PACRGL: variants seen among roughly 807,000 people sequenced by gnomAD.
PACRGL encodes the protein PACRG-like protein.
A neutral mutation model predicts 34.5 loss-of-function variants in PACRGL; 38 were observed. The ratio of observed to expected loss-of-function variants is 1.10; its 90% CI spans 0.85 to 1.44. The LOEUF (loss-of-function observed/expected upper bound fraction) is 1.44, where lower values mean the gene tolerates loss of function less well. Ranked by LOEUF, PACRGL falls within the 40% of genes most tolerant of loss-of-function variation. The pLI is 0.00. For missense variants in PACRGL, 305 were observed against 281.4 expected (o/e 1.08, Z -0.60); for synonymous variants, 128 against 100.1 (o/e 1.28, Z -1.66).
At chr4:20,716,802 A>G (rs4434247) in intron 7 of PACRGL, among the ~76,000 whole-genome samples, 25,249 of 152,168 alleles carry the variant, frequency 0.17, 2,133 homozygotes, top group East Asian at 0.29. Flanking sequence ...ATACATGTGC[A>G]TGTGTCTTTA....
chr4:20,717,417 G>A (rs1263223122), intron 7 of PACRGL, among the ~76,000 whole-genome samples: 3 of 152,186 alleles, frequency 2.0e-5, no homozygotes, highest in East Asian at 1.9e-4. Context: ...CCATGCCTAT[G>A]TCCTGAATGG....
the PACRGL span, among the ~76,000 whole-genome samples, chr4:20,758,043 T>C: frequency 6.6e-6 from 1 of 152,214 alleles, no homozygotes; most frequent in Non-Finnish European, 1.5e-5. Flanking sequence ...GGGCAGAGAT[T>C]ACATCCTATT....
At chr4:20,714,968 T>C (rs1739132180) in intron 7 of PACRGL, among the ~76,000 whole-genome samples, 1 of 152,170 alleles carries the variant, frequency 6.6e-6, no homozygotes, top group Non-Finnish European at 1.5e-5. Context: ...TAAAGACACA[T>C]GCACACGTAT....
chr4:20,733,395 A>G (rs1288048902), downstream of PACRGL, among the ~76,000 whole-genome samples: 2 of 152,194 alleles, frequency 1.3e-5, no homozygotes, highest in Non-Finnish European at 2.9e-5. Flanking sequence ...TTTCATTCTT[A>G]TGAGAGTAAA....
chr4:20,706,031 C>T (rs751587663), intron 3 of PACRGL, among the ~76,000 whole-genome samples: 15 of 151,030 alleles, frequency 9.9e-5, no homozygotes, highest in African/African-American at 1.2e-4. Flanking sequence ...TTTTTTGAAA[C>T]GCTAATTCAG....
intron 7 of PACRGL, among the ~76,000 whole-genome samples, chr4:20,716,865 G>T (rs1440523107): frequency 6.6e-6 from 1 of 152,118 alleles, no homozygotes; most frequent in Admixed American, 6.5e-5. Flanking sequence ...GGGATGGCTG[G>T]GTCAAATGGT....
At chr4:20,739,796 G>A (rs182100811) in intron 8 of PACRGL, among the ~76,000 whole-genome samples, 61 of 152,254 alleles carry the variant, frequency 4.0e-4, no homozygotes, top group East Asian at 3.9e-4. Flanking sequence ...AAACTTCTCC[G>A]AACTAAAGGA....
chr4:20,726,480 CA>C (rs1482108477), intron 8 of PACRGL, among the ~76,000 whole-genome samples: 1 of 151,934 alleles, frequency 6.6e-6, no homozygotes, highest in African/African-American at 2.4e-5. Context: ...AATTACATAC[CA>C]AAGACTTTCT....
upstream of PACRGL, among the ~76,000 whole-genome samples, chr4:20,697,911 C>T (rs1329156974): frequency 1.3e-5 from 2 of 152,154 alleles, no homozygotes; most frequent in Admixed American, 6.5e-5. Flanking sequence ...CCAAAAGCCC[C>T]ACCTCCAAAT....
chr4:20,751,656 T>C (rs575648133), intron 8 of PACRGL, among the ~76,000 whole-genome samples: 2 of 152,316 alleles, frequency 1.3e-5, no homozygotes, highest in African/African-American at 4.8e-5. Context: ...TCACCATAAA[T>C]AATGGCTCAA....
intron 8 of PACRGL, among the ~76,000 whole-genome samples, chr4:20,739,330 T>TA (rs1041284083): frequency 6.6e-6 from 1 of 152,162 alleles, no homozygotes; most frequent in African/African-American, 2.4e-5. Context: ...AAACACCTCC[T>TA]AGTAGGGGCA....
chr4:20,766,564 T>TCAAACAAA, the PACRGL span, among the ~76,000 whole-genome samples: 3 of 152,112 alleles, frequency 2.0e-5, no homozygotes, highest in Middle Eastern at 3.4e-3. Flanking sequence ...AAACTCCATC[T>TCAAACAAA]CAAACAAACA....
At chr4:20,713,347 T>G in intron 6 of PACRGL, 85 bp from the exon 7 acceptor site, 1 of 962,518 alleles carries the variant, frequency 1.0e-6, no homozygotes, top group South Asian at 1.5e-5. Context: ...TCTACTTGCT[T>G]GCCCTTTTTT....
chr4:20,716,764 T>C (rs974850366), intron 7 of PACRGL, among the ~76,000 whole-genome samples: 8 of 152,222 alleles, frequency 5.3e-5, no homozygotes, highest in Admixed American at 2.0e-4. Flanking sequence ...TCCAAGTCTT[T>C]GCTATTGTGA....
intron 8 of PACRGL, among the ~76,000 whole-genome samples, chr4:20,749,049 T>G (rs1422477063): frequency 6.6e-6 from 1 of 151,638 alleles, no homozygotes; most frequent in Non-Finnish European, 1.5e-5. Flanking sequence ...TCCCAGCTAC[T>G]CAGGAGGCTG....
chr4:20,760,877 G>T, the PACRGL span, among the ~76,000 whole-genome samples: 1 of 152,176 alleles, frequency 6.6e-6, no homozygotes, highest in African/African-American at 2.4e-5. Flanking sequence ...TGTGATGGTT[G>T]ATTTTATGTG....
rs1220455186 is a variant in PACRGL, at chr4:20,731,233, C to CTAACT, written c.*3896_*3900dup. 4.2e-6 allele frequency: 1 copy of CTAACT among 237,906 alleles called. No individual in the cohort carries two copies. The highest frequency in any genetic ancestry group is 2.3e-5 in the African/African-American group (1 of 42,968). The allele number at this position is 237,906 out of a possible 1,614,324, so 14.7% of individuals were successfully genotyped here. ...TTCAGCCACGTGCCACCGTGCCCAG[C>CTAACT]TAACTTAATTTTTTTTTGTAGAGAT... On this transcript the variant is annotated 3_prime_UTR_variant, in exon 9 of 9. Transcript: ENST00000503585.
At chr4:20,744,934 G>A (rs1029713209) in intron 8 of PACRGL, among the ~76,000 whole-genome samples, 9 of 152,114 alleles carry the variant, frequency 5.9e-5, no homozygotes, top group African/African-American at 1.4e-4. Flanking sequence ...GCCATGACCT[G>A]GGCGAAGTCA....
Position 20,730,761 on chromosome 4 carries a change from C to T in PACRGL, c.*3420C>T, listed in dbSNP as rs987679785. Among the ~76,000 whole-genome samples the T allele has an allele frequency of 2.0e-5, 3 of 152,124 alleles. No homozygotes were observed. Among genetic ancestry groups the T allele is most frequent in the African/African-American group, 7.2e-5 (3 of 41,444 alleles). ...GTGGCTGTGTTCAGTTTAGCATATT[C>T]TTTAGAAATGAGTTAGGGGACAGAC... is the stretch of plus-strand genomic sequence containing the variant. On this transcript the variant is annotated 3_prime_UTR_variant, in exon 9 of 9. Transcript: ENST00000503585.
Sources: gnomAD v4.1 joint callset for allele counts (sites outside exome capture counted in the v4.1 genomes callset) on GRCh38, gnomAD v4.1.1 for gene constraint, MANE v1.5 for transcripts, NCBI Gene and HGNC (gene_info 2026-07-23, HGNC 2026-07-21) for gene names.